The following GOLGA6L7 variants were observed in gnomAD, a reference collection of about 807,000 sequenced individuals.
The protein encoded by GOLGA6L7 is golgin subfamily A member 6-like protein 7.
In GOLGA6L7, 29 loss-of-function variants were observed where a neutral mutation model predicts 68.9. The observed-to-expected ratio is 0.42, with a 90% confidence interval of 0.31 to 0.57. GOLGA6L7 has a LOEUF of 0.57. Among genes scored for constraint, GOLGA6L7 ranks in the 20% least tolerant of loss-of-function variants. The pLI is 0.13. For missense variants in GOLGA6L7, 396 were observed against 588.4 expected (o/e 0.67, Z 3.38); for synonymous variants, 133 against 197.4 (o/e 0.67, Z 2.73).
intron 6 of GOLGA6L7, 28 bp from the exon 7 acceptor site, chr15:28,844,291 A>T (rs2030327850): frequency 2.1e-6 from 1 of 466,250 alleles, no homozygotes; most frequent in Non-Finnish European, 3.7e-6. Context: ...TCAAGTCAGG[A>T]TACAGCAGGC....
chr15:28,842,506 C>T lies in GOLGA6L7; in HGVS notation c.1598G>A (p.Arg533Lys). The change falls in exon 9 of 9, where the codon AGG (arginine) becomes AAG (lysine). Residue 533 changes from arginine (R) to lysine (K), a missense_variant. Arg to Lys is a conservative substitution (Grantham distance 26). Around this residue, in one of 5 missense-constraint regions of GOLGA6L7, gnomAD observed 125 missense variants for 163.3 expected, o/e 0.77. Transcript: ENST00000567390. ...CTGCGTCTTCTCCTGCTCTCCCATC[C>T]TCTCCTTCTTCTCCCGCCTCTTCTC... ...QVEKRREKKE[R>K]MGEQEKTQEE... is the part of the protein sequence containing the mutation. The T allele has an allele frequency of 8.7e-7, 1 of 1,153,044 alleles. No homozygotes were observed. The highest frequency in any genetic ancestry group is 1.1e-6 in the Non-Finnish European group (1 of 910,494). The allele number at this position is 1,153,044 out of a possible 1,614,324, so 71.4% of individuals were successfully genotyped here. A position where few individuals can be genotyped will look rare whatever the true frequency, so the allele number is the denominator to read the frequency against.
chr15:28,841,949 AT>A lies in GOLGA6L7; in HGVS notation c.*285del, dbSNP rs200514876. The stretch of plus-strand genomic sequence containing the variant: ...ATAGATATTAGAGTCCTCAGGTAGA[AT>A]TTTTTTTTTTTTTTTTGAAATGGGA... On this transcript the variant is annotated 3_prime_UTR_variant, in exon 9 of 9. Coordinates refer to ENST00000567390, the MANE Select transcript of GOLGA6L7 (RefSeq NM_001365371.2). 0.19 allele frequency: 32,483 copies of A among 172,476 alleles called. 3,790 individuals are homozygous for A. The highest frequency in any genetic ancestry group is 0.44 in the African/African-American group (16,757 of 38,186). 10.7% of individuals were successfully genotyped at this position (172,476 alleles called of 1,614,324 possible). A position where few individuals can be genotyped will look rare whatever the true frequency, so the allele number is the denominator to read the frequency against.
At chr15:28,845,672 T>A (rs938224529) in intron 5 of GOLGA6L7, 37 bp from the exon 6 acceptor site, 5 of 751,058 alleles carry the variant, frequency 6.7e-6, no homozygotes, top group Non-Finnish European at 1.2e-5. Context: ...CCCAAAGGCC[T>A]GTGAAAGTGC....
chr15:28,847,853 T>C (rs2030496666), intron 1 of GOLGA6L7, among the ~76,000 whole-genome samples: 3 of 152,238 alleles, frequency 2.0e-5, no homozygotes. Context: ...CACTGACTGA[T>C]GGGCACTCTG....
intron 6 of GOLGA6L7, chr15:28,845,151 C>A (rs2030372984): frequency 2.5e-5 from 10 of 400,724 alleles, no homozygotes; most frequent in South Asian, 2.1e-4. Context: ...CACACACACA[C>A]ACACACACAC....
rs1297842765 is a variant in GOLGA6L7 at position 28,848,487 on chromosome 15, G to A, written c.51+12C>T. 6 of 689,668 alleles carry A rather than the reference G, an allele frequency of 8.7e-6. No homozygotes were observed. Among genetic ancestry groups the A allele is most frequent in the South Asian group, 5.9e-5 (4 of 67,400 alleles). The allele number at this position is 689,668 out of a possible 1,614,324, so 42.7% of individuals were successfully genotyped here. On this transcript the variant is annotated intron_variant, in intron 1 of 8. Coordinates refer to ENST00000567390, the MANE Select transcript of GOLGA6L7 (RefSeq NM_001365371.2). ...GGTTGGGGTTGGGGTGCTGCAATCC[G>A]ATGCGTTTTACCTTTTTCTTGGTCC...
chr15:28,844,634 C>G (rs1280946028), intron 6 of GOLGA6L7, among the ~76,000 whole-genome samples: 2 of 150,764 alleles, frequency 1.3e-5, no homozygotes, highest in Non-Finnish European at 2.9e-5. Context: ...GGGTGGAAGG[C>G]ACAGAGAAAG....
At chr15:28,848,383 G>GC in intron 1 of GOLGA6L7, 116 bp downstream of exon 1, 1 of 578,360 alleles carries the variant, frequency 1.7e-6, no homozygotes, top group South Asian at 1.8e-5. Context: ...AGAGGCACTG[G>GC]GGGGGGCCCG....
chr15:28,843,868 T>C lies in GOLGA6L7; in HGVS notation c.529A>G (p.Asn177Asp). 2 of 1,121,770 alleles carry C rather than the reference T, an allele frequency of 1.8e-6. No individual in the cohort carries two copies. Among genetic ancestry groups the C allele is most frequent in the Admixed American group, 2.0e-5 (1 of 50,322 alleles). 69.5% of individuals were successfully genotyped at this position (1,121,770 alleles called of 1,614,324 possible). Residue 177 changes from asparagine (N) to aspartate (D), a missense_variant, in exon 8 of 9, where the codon AAT becomes GAT. Transcript: ENST00000567390. ...SLELFRNIIT[N>D]KELKEKNAEL... is the part of the protein sequence containing the mutation. ...GCATTTTTCTCCTTCAGCTCCTTAT[T>C]GGTTATGCTATGGCCGGAGGCAGTA... is the stretch of plus-strand genomic sequence containing the variant.
chr15:28,843,999 A>G, intron 7 of GOLGA6L7, 124 bp from the exon 8 acceptor site: 1 of 602,580 alleles, frequency 1.7e-6, no homozygotes, highest in Non-Finnish European at 2.9e-6. Context: ...CCAGGAATTA[A>G]AAGTCCCAGG....
At chr15:28,848,386 G>A in intron 1 of GOLGA6L7, 113 bp downstream of exon 1, 1 of 648,358 alleles carries the variant, frequency 1.5e-6, no homozygotes, top group South Asian at 1.7e-5. Context: ...GGCACTGGGG[G>A]GGGCCCGGCC....
chr15:28,842,265 G>A lies in GOLGA6L7; in HGVS notation c.1839C>T (p.Asp613=), dbSNP rs3862421. 0.013 allele frequency: 15,885 copies of A among 1,229,324 alleles called. 1,293 individuals carry two copies. The African/African-American group carries it at 0.19, about 15-fold the overall frequency. The allele number at this position is 1,229,324 out of a possible 1,614,324, so 76.2% of individuals were successfully genotyped here. ...TSCIPFFYGG[D]KKKIKIISI ...TACTGATGATCTTGATCTTTTTCTT[G>A]TCTCCTCCGTAGAAGAATGGGATGC... Residue 613 remains aspartate, a synonymous_variant, in exon 9 of 9, where the codon GAC becomes GAT. Transcript: ENST00000567390.
Position 28,843,168 on chromosome 15 carries a change from C to T in GOLGA6L7, c.936G>A (p.Gln312=), listed in dbSNP as rs1595355057. The T allele has an allele frequency of 1.0e-6, 1 of 997,946 alleles. No individual in the cohort carries two copies. The highest frequency in any genetic ancestry group is 3.7e-5 in the Admixed American group (1 of 27,340). 61.8% of individuals were successfully genotyped at this position (997,946 alleles called of 1,614,324 possible). Residue 312 remains glutamine (Q), a synonymous_variant, in exon 9 of 9, where the codon CAG becomes CAA. Coordinates refer to ENST00000567390, the MANE Select transcript of GOLGA6L7 (RefSeq NM_001365371.2). ...QEEQMRKQEE[Q]MRKQEEQMRK... ...GCATCTGCTCCTCCTGCTTCCGCAT[C>T]TGCTCCTCCTGCTTCCGCATCTGCT...
chr15:28,848,370 C>A, intron 1 of GOLGA6L7, 129 bp downstream of exon 1: 1 of 618,448 alleles, frequency 1.6e-6, no homozygotes, highest in Non-Finnish European at 2.9e-6. Context: ...GTTGGGGGAG[C>A]CCAGAGGCAC....
rs995318427 is a variant in GOLGA6L7 at position 28,847,002 on chromosome 15, A to G, written c.180+62T>C. ...CAGTTCTTCCTTCCACAATCTTAAC[A>G]GTTACCCTCGACCTCCCCCTTGTGC... is the stretch of plus-strand genomic sequence containing the variant. On this transcript the variant is annotated intron_variant, in intron 2 of 8. Coordinates refer to ENST00000567390, the MANE Select transcript of GOLGA6L7 (RefSeq NM_001365371.2). 1.7e-5 allele frequency: 14 copies of G among 812,908 alleles called. 2 individuals are homozygous for G. The highest frequency in any genetic ancestry group is 2.7e-5 in the Non-Finnish European group (14 of 513,482). 50.4% of individuals were successfully genotyped at this position (812,908 alleles called of 1,614,324 possible). A position where few individuals can be genotyped will look rare whatever the true frequency, so the allele number is the denominator to read the frequency against.
chr15:28,847,475 G>A (rs1275494906), intron 1 of GOLGA6L7, among the ~76,000 whole-genome samples: 3 of 152,022 alleles, frequency 2.0e-5, no homozygotes, highest in Admixed American at 6.5e-5. Context: ...AAAGTAAAAA[G>A]TAGGCAGGAA....
intron 6 of GOLGA6L7, chr15:28,845,164 A>G (rs1159201615): frequency 5.0e-5 from 19 of 378,978 alleles, no homozygotes; most frequent in Middle Eastern, 8.3e-4. Context: ...ACACACACAC[A>G]CGTACATGTG....
rs1177411222 is a variant in GOLGA6L7, at chr15:28,845,953, A to G, written c.211-3T>C. 2 of 1,222,446 alleles carry G rather than the reference A, an allele frequency of 1.6e-6. No individual in the cohort carries two copies. Among genetic ancestry groups the G allele is most frequent in the East Asian group, 2.4e-5 (1 of 42,396 alleles). The allele number at this position is 1,222,446 out of a possible 1,614,324, so 75.7% of individuals were successfully genotyped here. On this transcript the variant is annotated splice_region_variant and splice_polypyrimidine_tract_variant and intron_variant, in intron 3 of 8. Transcript: ENST00000567390. Reference sequence around the variant, plus strand: ...TGTTGGTGGCTTGCCTTATTTTCCTATAGAAAAGAAGAGGAAGACAGAGCT... The same window carrying G: ...TGTTGGTGGCTTGCCTTATTTTCCTGTAGAAAAGAAGAGGAAGACAGAGCT...
In GOLGA6L7 at chr15:28,842,645, C is replaced by A; in HGVS notation, c.1459G>T (p.Glu487Ter). ...QMGEQEEQMGEQEEQMRKQVE... is the reference protein window; with the variant it reads ...QMGEQEEQMG The stretch of plus-strand genomic sequence containing the variant: ...TGCTTCCGCATCTGCTCCTCCTGCT[C>A]CCCCATCTGCTCCTCCTGCTCCCCC... Residue 487 changes from glutamate (E) to a stop codon, truncating the protein, a stop_gained, in exon 9 of 9, where the codon GAG becomes TAG. Coordinates refer to ENST00000567390, the MANE Select transcript of GOLGA6L7 (RefSeq NM_001365371.2). LOFTEE classifies it high-confidence loss of function. The A allele has an allele frequency of 7.8e-7, 1 of 1,276,078 alleles. No homozygotes were observed. Among genetic ancestry groups the A allele is most frequent in the Non-Finnish European group, 9.8e-7 (1 of 1,017,596 alleles). 79.0% of individuals were successfully genotyped at this position (1,276,078 alleles called of 1,614,324 possible).
Sources: gnomAD v4.1 joint callset for allele counts (sites outside exome capture counted in the v4.1 genomes callset) on GRCh38, gnomAD v4.1.1 for gene constraint, gnomAD v4.1.1 regional missense constraint, MANE v1.5 for transcripts, NCBI Gene and HGNC (gene_info 2026-07-23, HGNC 2026-07-21) for gene names.